The following FIGN variants were observed in gnomAD, a reference collection of about 807,000 sequenced individuals.
FIGN encodes the protein fidgetin, microtubule severing factor.
FIGN carries 11 observed loss-of-function variants against 51.3 expected under a neutral mutation model. The observed-to-expected ratio is 0.21, with a 90% confidence interval of 0.13 to 0.35. The LOEUF is 0.35. Among genes scored for constraint, FIGN ranks in the 10% least tolerant of loss-of-function variants. The probability of loss-of-function intolerance (pLI) is 1.00; values close to 1 mark genes in which losing one functional copy is unlikely to be tolerated. For synonymous variants in FIGN, 407 were observed against 363.2 expected (o/e 1.12, Z -1.37); for missense variants, 857 against 943.6 (o/e 0.91, Z 1.20).
At chr2:163,627,206 G>A (rs1481693667) in intron 2 of FIGN, among the ~76,000 whole-genome samples, 4 of 151,846 alleles carry the variant, frequency 2.6e-5, no homozygotes, top group East Asian at 1.9e-4. Flanking sequence ...TCTTTCTTTC[G>A]TGACATCCAA....
intron 2 of FIGN, among the ~76,000 whole-genome samples, chr2:163,706,799 G>A (rs917738345): frequency 6.6e-5 from 10 of 152,150 alleles, no homozygotes; most frequent in Middle Eastern, 3.4e-3. Context: ...CTGAAATTCT[G>A]ACAAAATTTT....
intron 2 of FIGN, among the ~76,000 whole-genome samples, chr2:163,612,749 C>CAT (rs10592741): frequency 0.056 from 7,737 of 139,176 alleles, 287 homozygotes; most frequent in Non-Finnish European, 0.078. Flanking sequence ...TATACATCTT[C>CAT]ATATATATAT....
intron 2 of FIGN, among the ~76,000 whole-genome samples, chr2:163,626,070 C>T (rs989570775): frequency 2.0e-5 from 3 of 152,090 alleles, no homozygotes; most frequent in African/African-American, 7.2e-5. Flanking sequence ...AGCCAATAAG[C>T]CTCCATAACT....
At chr2:163,673,474 T>C (rs1408269635) in intron 2 of FIGN, among the ~76,000 whole-genome samples, 1 of 152,112 alleles carries the variant, frequency 6.6e-6, no homozygotes, top group Non-Finnish European at 1.5e-5. Flanking sequence ...TCAAGTTCAG[T>C]GAACTTTCCA....
At chr2:163,636,215 G>A (rs888358568) in intron 2 of FIGN, among the ~76,000 whole-genome samples, 1 of 152,178 alleles carries the variant, frequency 6.6e-6, no homozygotes, top group East Asian at 1.9e-4. Flanking sequence ...TGCTTAGTTA[G>A]ATTAAACTGT....
chr2:163,629,094 T>G (rs1683101819), intron 2 of FIGN, among the ~76,000 whole-genome samples: 1 of 152,198 alleles, frequency 6.6e-6, no homozygotes, highest in African/African-American at 2.4e-5. Context: ...CCACTGAAAC[T>G]ATGGTAATGG....
At chr2:163,724,076 T>C (rs536950432) in intron 2 of FIGN, among the ~76,000 whole-genome samples, 117 of 152,278 alleles carry the variant, frequency 7.7e-4, no homozygotes, top group African/African-American at 2.5e-3. Flanking sequence ...GAAATCTTAG[T>C]CATCATCGGA....
In FIGN at chr2:163,710,622, G is replaced by A. The variant is rs544565872; in HGVS notation, c.25+24281C>T. ...AGTTCAGTTCTGTGCAAGACTTTGT[G>A]CTGCCTGACTATGACATAATAGTGC... On this transcript the variant is annotated intron_variant, in intron 2 of 2. Transcript: ENST00000333129. 2.8e-4 allele frequency among the ~76,000 whole-genome samples: 42 copies of A among 152,310 alleles called. No homozygotes were observed. The South Asian group carries it at 8.5e-3, about 31-fold the overall frequency.
rs1193579539 is a variant in FIGN at position 163,607,105 on chromosome 2, G to A, written c.*2447C>T. The A allele has an allele frequency of 4.6e-5, 7 of 152,290 alleles. No homozygotes were observed. The highest frequency in any genetic ancestry group is 2.1e-4 in the South Asian group (1 of 4,832). 9.4% of individuals were successfully genotyped at this position (152,290 alleles called of 1,614,324 possible). A position where few individuals can be genotyped will look rare whatever the true frequency, so the allele number is the denominator to read the frequency against. ...CTGGGTTTGTCAAAACTTGCCAGAC[G>A]CTTTCAAGTGAACACAGCATGTTGG... is the stretch of plus-strand genomic sequence containing the variant. On this transcript the variant is annotated 3_prime_UTR_variant, in exon 3 of 3. Transcript: ENST00000333129.
At chr2:163,676,111 TAA>T (rs1257343241) in intron 2 of FIGN, among the ~76,000 whole-genome samples, 1 of 151,656 alleles carries the variant, frequency 6.6e-6, no homozygotes, top group Non-Finnish European at 1.5e-5. Context: ...ATAGAAGACT[TAA>T]GTCTGAATCC....
intron 2 of FIGN, among the ~76,000 whole-genome samples, chr2:163,711,519 A>T (rs79129141): frequency 6.8e-4 from 104 of 152,250 alleles, no homozygotes; most frequent in African/African-American, 2.4e-3. Context: ...AAGAAATTAA[A>T]TGCTGTAGCA....
chr2:163,611,023 G>A lies in FIGN; in HGVS notation c.809C>T (p.Pro270Leu), dbSNP rs576789489. ...SGYSPGGAPP[P>L]PSAYLPSGIP... The stretch of plus-strand genomic sequence containing the variant: ...TCCTGAAGGCAGGTACGCTGAAGGC[G>A]GAGGCGGTGCCCCCCCAGGGCTGTA... Residue 270 changes from proline (P) to leucine (L), a missense_variant, in exon 3 of 3, where the codon CCG (proline) becomes CTG (leucine). This residue lies in a region of FIGN where 799 missense variants were observed against 849.5 expected (regional missense o/e 0.94). Coordinates refer to ENST00000333129, the MANE Select transcript of FIGN (RefSeq NM_018086.4). 12 of 1,613,890 alleles carry A rather than the reference G, an allele frequency of 7.4e-6. No individual in the cohort carries two copies. The highest frequency in any genetic ancestry group is 2.2e-5 in the East Asian group (1 of 44,866).
At chr2:163,613,085 C>A (rs910881155) in intron 2 of FIGN, among the ~76,000 whole-genome samples, 1 of 152,002 alleles carries the variant, frequency 6.6e-6, no homozygotes, top group Admixed American at 6.6e-5. Context: ...TACTTTATTT[C>A]ACAGATTAGG....
chr2:163,706,857 A>G (rs376175772), intron 2 of FIGN, among the ~76,000 whole-genome samples: 1 of 152,162 alleles, frequency 6.6e-6, no homozygotes, highest in Admixed American at 6.5e-5. Flanking sequence ...TAGAGCAATA[A>G]TCTCATTTAA....
chr2:163,617,432 A>G (rs997453012), intron 2 of FIGN, among the ~76,000 whole-genome samples: 1 of 152,092 alleles, frequency 6.6e-6, no homozygotes, highest in Admixed American at 6.6e-5. Context: ...TCTTTTTCAC[A>G]ATTTCACAGT....
chr2:163,653,103 C>T (rs547018193), intron 2 of FIGN, among the ~76,000 whole-genome samples: 22 of 152,058 alleles, frequency 1.4e-4, no homozygotes, highest in African/African-American at 5.1e-4. Context: ...CTCTCTGGAC[C>T]TCAGTTTTTT....
intron 2 of FIGN, among the ~76,000 whole-genome samples, chr2:163,643,057 G>T (rs1424476895): frequency 6.6e-6 from 1 of 152,030 alleles, no homozygotes; most frequent in Non-Finnish European, 1.5e-5. Context: ...ATACGAAATT[G>T]CCAGGGCCCA....
chr2:163,660,108 TA>T (rs200482164), intron 2 of FIGN, among the ~76,000 whole-genome samples: 3 of 146,276 alleles, frequency 2.1e-5, no homozygotes, highest in Admixed American at 6.8e-5. Flanking sequence ...CTCAAAAAAA[TA>T]AAAAAAAACA....
At chr2:163,659,711 A>C (rs947322388) in intron 2 of FIGN, among the ~76,000 whole-genome samples, 1 of 152,212 alleles carries the variant, frequency 6.6e-6, no homozygotes, top group African/African-American at 2.4e-5. Flanking sequence ...TACCAGGGTA[A>C]TTAGATTATG....
Sources: allele counts gnomAD v4.1 joint callset (sites outside exome capture counted in the v4.1 genomes callset), GRCh38; gene constraint gnomAD v4.1.1; regional missense constraint gnomAD v4.1.1; transcripts MANE v1.5; gene names NCBI Gene and HGNC (gene_info 2026-07-23, HGNC 2026-07-21).